The following PLGRKT variants were observed in gnomAD, a reference collection of about 807,000 sequenced individuals.
PLGRKT encodes plasminogen receptor with a C-terminal lysine, also known as plasminogen receptor (KT).
Under a neutral mutation model 18.5 loss-of-function variants are expected in PLGRKT, and 22 were observed. The ratio of observed to expected loss-of-function variants is 1.19; its 90% CI spans 0.85 to 1.70. PLGRKT has a LOEUF of 1.70. PLGRKT is among the 40% of genes most tolerant of loss of function. PLGRKT has a pLI of 0.00. For synonymous variants in PLGRKT, 72 were observed against 52.8 expected, an observed-to-expected ratio of 1.36 and a Z score of -1.58; for missense variants, 235 against 174.4, an observed-to-expected ratio of 1.35 and a Z score of -1.96.
chr9:5,372,182 T>C (rs1339387966), intron 3 of PLGRKT, among the ~76,000 whole-genome samples: 1 of 151,910 alleles, frequency 6.6e-6, no homozygotes, highest in Non-Finnish European at 1.5e-5. Context: ...GGTTTCACCA[T>C]GTTGGCCAGG....
At position 5,398,235 on chromosome 9, in the gene PLGRKT, A is replaced by G. The variant is rs1200496539; in HGVS notation, c.81+33662T>C. Among the ~76,000 whole-genome samples, 4 of 151,874 alleles carry G rather than the reference A, an allele frequency of 2.6e-5. No individual in the cohort carries two copies. The South Asian group carries it at 6.2e-4, about 24-fold the overall frequency. ...AAACATCAGGGGTGGGTTACCCTCC[A>G]GCAGTGCTTTACTGCTCAGATTTAG... On this transcript the variant is annotated intron_variant, in intron 3 of 5. Transcript: ENST00000223864.
At position 5,369,766 on chromosome 9, in the gene PLGRKT, G is replaced by C. The variant is rs951546003; in HGVS notation, c.82-7878C>G. Among the ~76,000 whole-genome samples, 3 of 152,110 alleles carry C rather than the reference G, an allele frequency of 2.0e-5. No individual in the cohort carries two copies. The East Asian group carries it at 5.8e-4, about 29-fold the overall frequency. On this transcript the variant is annotated intron_variant, in intron 3 of 5. Transcript: ENST00000223864. Reference sequence around the variant, plus strand: ...GGAATACTGTGTAGCCATAAAAAAAGGATGAGTTCATGTCCTTTGCAGGGA... The same window carrying C: ...GGAATACTGTGTAGCCATAAAAAAACGATGAGTTCATGTCCTTTGCAGGGA...
At chr9:5,363,969 T>C (rs1253753219) in intron 3 of PLGRKT, among the ~76,000 whole-genome samples, 1 of 152,228 alleles carries the variant, frequency 6.6e-6, no homozygotes, top group East Asian at 1.9e-4. Flanking sequence ...ACATTACTTA[T>C]TTACAAAACT....
At chr9:5,424,247 G>A (rs1298796914) in intron 3 of PLGRKT, among the ~76,000 whole-genome samples, 1 of 135,586 alleles carries the variant, frequency 7.4e-6, no homozygotes, top group Non-Finnish European at 1.5e-5. Context: ...GTGTCATATA[G>A]TATATATACA....
chr9:5,388,468 T>C (rs556267242), intron 3 of PLGRKT, among the ~76,000 whole-genome samples: 2 of 152,130 alleles, frequency 1.3e-5, no homozygotes, highest in African/African-American at 4.8e-5. Flanking sequence ...TAAAAATCTA[T>C]ATAAACTCAC....
intron 3 of PLGRKT, among the ~76,000 whole-genome samples, chr9:5,393,230 T>A (rs1360985600): frequency 6.6e-6 from 1 of 151,964 alleles, no homozygotes; most frequent in Non-Finnish European, 1.5e-5. Context: ...GTGAGTGAAG[T>A]CAGGATAAAC....
intron 3 of PLGRKT, among the ~76,000 whole-genome samples, chr9:5,387,131 T>G (rs768068252): frequency 6.6e-6 from 1 of 151,894 alleles, no homozygotes; most frequent in Non-Finnish European, 1.5e-5. Context: ...GATTTTCTAC[T>G]TCTAAGGAGC....
intron 3 of PLGRKT, among the ~76,000 whole-genome samples, chr9:5,409,597 C>A (rs942083351): frequency 6.6e-6 from 1 of 152,170 alleles, no homozygotes; most frequent in African/African-American, 2.4e-5. Flanking sequence ...CTGGAAAAGC[C>A]ACAGACACTC....
At chr9:5,369,447 G>A (rs912569504) in intron 3 of PLGRKT, among the ~76,000 whole-genome samples, 2 of 152,120 alleles carry the variant, frequency 1.3e-5, no homozygotes, top group Non-Finnish European at 2.9e-5. Flanking sequence ...ACAACAGATG[G>A]TGGAGAGGAT....
At chr9:5,425,498 A>G (rs1029597973) in intron 3 of PLGRKT, among the ~76,000 whole-genome samples, 4 of 152,222 alleles carry the variant, frequency 2.6e-5, no homozygotes, top group African/African-American at 9.6e-5. Context: ...TTGGCTTACT[A>G]TTAATTGAAA....
chr9:5,380,927 G>C (rs941034460), intron 3 of PLGRKT, among the ~76,000 whole-genome samples: 1 of 152,174 alleles, frequency 6.6e-6, no homozygotes, highest in African/African-American at 2.4e-5. Flanking sequence ...CCCCCATGCT[G>C]TTCTCATGAT....
chr9:5,395,427 G>A (rs1335754383), intron 3 of PLGRKT, among the ~76,000 whole-genome samples: 1 of 151,876 alleles, frequency 6.6e-6, no homozygotes, highest in Non-Finnish European at 1.5e-5. Context: ...CTTCAATTCT[G>A]AAGTCACTGA....
rs556929814 is a variant in PLGRKT, at chr9:5,381,146, C to G, written c.82-19258G>C. Among the ~76,000 whole-genome samples the G allele has an allele frequency of 2.0e-4, 31 of 152,312 alleles. No homozygotes were observed. In the South Asian group the frequency reaches 5.4e-3, roughly 26 times the overall value. On this transcript the variant is annotated intron_variant, in intron 3 of 5. Coordinates refer to ENST00000223864, the MANE Select transcript of PLGRKT (RefSeq NM_018465.4). ...AAATTACCTAGTAACAGTATGAAAA[C>G]AGACTAATACAGAAAATTGGTAGTG... is the stretch of plus-strand genomic sequence containing the variant.
chr9:5,366,353 A>G (rs1817386363), intron 3 of PLGRKT, among the ~76,000 whole-genome samples: 1 of 152,202 alleles, frequency 6.6e-6, no homozygotes, highest in African/African-American at 2.4e-5. Context: ...AATCCTAAAT[A>G]CAAAATTCTT....
At chr9:5,396,539 C>T (rs1183957490) in intron 3 of PLGRKT, among the ~76,000 whole-genome samples, 2 of 151,918 alleles carry the variant, frequency 1.3e-5, no homozygotes, top group Non-Finnish European at 2.9e-5. Flanking sequence ...AGGTGATCTG[C>T]CCACCTCAGC....
chr9:5,382,602 G>C lies in PLGRKT; in HGVS notation c.82-20714C>G, dbSNP rs963565855. On this transcript the variant is annotated intron_variant, in intron 3 of 5. Transcript: ENST00000223864. ...TAATGGAGGAAGGAGGGCAGGCCTG[G>C]AGGAATTTGCAAGCCATGCTAAAGA... is the stretch of plus-strand genomic sequence containing the variant. Among the ~76,000 whole-genome samples the C allele has an allele frequency of 2.0e-5, 3 of 152,212 alleles. No individual in the cohort carries two copies. The South Asian group carries it at 6.2e-4, about 32-fold the overall frequency.
chr9:5,391,828 T>C (rs1817954660), intron 3 of PLGRKT, among the ~76,000 whole-genome samples: 2 of 151,854 alleles, frequency 1.3e-5, no homozygotes, highest in Non-Finnish European at 2.9e-5. Context: ...CTGTAGGAAT[T>C]AGGGGAAGGA....
intron 3 of PLGRKT, among the ~76,000 whole-genome samples, chr9:5,412,854 G>T (rs756095412): frequency 1.8e-4 from 27 of 151,888 alleles, no homozygotes; most frequent in Non-Finnish European, 3.2e-4. Context: ...ATATTAGGAA[G>T]ATATATCCAT....
intron 3 of PLGRKT, among the ~76,000 whole-genome samples, chr9:5,385,330 T>G (rs1448050422): frequency 6.6e-6 from 1 of 151,824 alleles, no homozygotes; most frequent in Non-Finnish European, 1.5e-5. Flanking sequence ...AAGGACATCT[T>G]GGTATATGTC....
Sources: gnomAD v4.1 joint callset for allele counts (sites outside exome capture counted in the v4.1 genomes callset) on GRCh38, gnomAD v4.1.1 for gene constraint, MANE v1.5 for transcripts, NCBI Gene and HGNC (gene_info 2026-07-23, HGNC 2026-07-21) for gene names.